The following TG variants were observed in gnomAD, a reference collection of about 807,000 sequenced individuals.
The protein encoded by TG is thyroglobulin.
In TG, 270 loss-of-function variants were observed where a neutral mutation model predicts 324.7. The ratio of observed to expected loss-of-function variants is 0.83; its 90% CI spans 0.75 to 0.92. TG has a LOEUF of 0.92. Among genes scored for constraint, TG ranks in the 40% least tolerant of loss-of-function variants. The probability of loss-of-function intolerance (pLI) is 0.00; values close to 1 mark genes in which losing one functional copy is unlikely to be tolerated. For missense variants in TG, 3,591 were observed against 3,456.4 expected (o/e 1.04, Z -0.98); for synonymous variants, 1,401 against 1,327.0 (o/e 1.06, Z -1.21).
At chr8:132,960,984 A>G in intron 27 of TG, 24 bp from the exon 28 acceptor site, 1 of 1,613,016 alleles carries the variant, frequency 6.2e-7, no homozygotes, top group Non-Finnish European at 8.5e-7. Flanking sequence ...TCAAGCTCAT[A>G]AAAATAAACA....
chr8:132,955,769 G>C (rs1250982501), intron 27 of TG, among the ~76,000 whole-genome samples: 1 of 152,188 alleles, frequency 6.6e-6, no homozygotes, highest in African/African-American at 2.4e-5. Flanking sequence ...TTTCCGTTTA[G>C]GATCCTGTCC....
Position 132,872,951 on chromosome 8 carries a change from A to G in TG, c.479-111A>G. 8 of 1,201,294 alleles carry G rather than the reference A, an allele frequency of 6.7e-6. No homozygotes were observed. In the South Asian group the frequency reaches 1.0e-4, roughly 15 times the overall value. 74.4% of individuals were successfully genotyped at this position (1,201,294 alleles called of 1,614,324 possible). A position where few individuals can be genotyped will look rare whatever the true frequency, so the allele number is the denominator to read the frequency against. On this transcript the variant is annotated intron_variant, in intron 4 of 47. Coordinates refer to ENST00000220616, the MANE Select transcript of TG (RefSeq NM_003235.5). ...CGACAATGAAACCGCCGAACGATGC[A>G]TTTCTCAGAGCTCATCCCCATTGCT...
intron 27 of TG, 89 bp from the exon 28 acceptor site, chr8:132,960,919 G>C: frequency 7.7e-7 from 1 of 1,292,304 alleles, no homozygotes; most frequent in Non-Finnish European, 1.1e-6. Context: ...GGAAGAGCCT[G>C]TGTCAAGGGA....
rs1335962371 is a variant in TG at position 132,883,194 on chromosome 8, G to T, written c.1075+195G>T. On this transcript the variant is annotated intron_variant, in intron 8 of 47. Transcript: ENST00000220616. ...TGTTTCTCATCTTGTGTCAGACCTCGTTGCATTTTCAGGGAGCTCAGGGAA... is the reference window on the plus strand; with the variant it reads ...TGTTTCTCATCTTGTGTCAGACCTCTTTGCATTTTCAGGGAGCTCAGGGAA... 5 of 628,790 alleles carry T rather than the reference G, an allele frequency of 8.0e-6. No individual in the cohort carries two copies. In the Admixed American group the frequency reaches 1.5e-4, roughly 19 times the overall value. 39.0% of individuals were successfully genotyped at this position (628,790 alleles called of 1,614,324 possible). A position where few individuals can be genotyped will look rare whatever the true frequency, so the allele number is the denominator to read the frequency against.
At chr8:133,033,086 C>G (rs1213786144) in intron 41 of TG, among the ~76,000 whole-genome samples, 2 of 152,164 alleles carry the variant, frequency 1.3e-5, no homozygotes, top group African/African-American at 4.8e-5. Flanking sequence ...AGATAAAGAG[C>G]TGAAGCCTAA....
chr8:132,962,480 A>G (rs1195643515), intron 28 of TG, among the ~76,000 whole-genome samples: 1 of 152,170 alleles, frequency 6.6e-6, no homozygotes, highest in Non-Finnish European at 1.5e-5. Context: ...TCTCCAGGAC[A>G]TTTGCCGCAC....
chr8:132,944,535 C>A (rs1299556978), intron 26 of TG, among the ~76,000 whole-genome samples: 1 of 152,202 alleles, frequency 6.6e-6, no homozygotes, highest in East Asian at 1.9e-4. Context: ...ACTGTAGGTG[C>A]AGAGGAATGC....
intron 41 of TG, among the ~76,000 whole-genome samples, chr8:133,052,102 A>G (rs568117397): frequency 3.9e-5 from 6 of 152,228 alleles, no homozygotes; most frequent in African/African-American, 1.2e-4. Context: ...CAAACAAGCC[A>G]CTTTCTAGGA....
intron 38 of TG, 86 bp downstream of exon 38, chr8:133,018,083 G>C: frequency 7.5e-7 from 1 of 1,341,504 alleles, no homozygotes. Context: ...CAGTAGCAGA[G>C]CAGTGCATTT....
intron 41 of TG, among the ~76,000 whole-genome samples, chr8:133,036,462 G>A (rs1337192406): frequency 4.6e-5 from 7 of 152,170 alleles, no homozygotes; most frequent in African/African-American, 1.2e-4. Context: ...TAGGCAGGAC[G>A]TTTTTATAAC....
At chr8:132,900,174 C>A in intron 14 of TG, 63 bp from the exon 15 acceptor site, 5 of 1,412,562 alleles carry the variant, frequency 3.5e-6, no homozygotes, top group Admixed American at 3.6e-5. Context: ...CATCTGCCAG[C>A]AGCAGGTTGG....
At position 132,908,307 on chromosome 8, in the gene TG, T is replaced by G. The variant is rs116300941; in HGVS notation, c.3969T>G (p.Asp1323Glu). ...AGACTTTCCAGGTTTTCATATTGGATGAGCTGACAGCCCGCGGCTTCTGCC... is the reference window on the plus strand; with the variant it reads ...AGACTTTCCAGGTTTTCATATTGGAGGAGCTGACAGCCCGCGGCTTCTGCC... ...LLQTFQVFIL[D>E]ELTARGFCQI... The change falls in exon 18 of 48, where the codon GAT becomes GAG. Residue 1323 changes from aspartate to glutamate, a missense_variant. Transcript: ENST00000220616. 1.5e-5 allele frequency: 24 copies of G among 1,613,412 alleles called. No individual in the cohort carries two copies. The African/African-American group carries it at 2.8e-4, about 19-fold the overall frequency.
chr8:133,123,336 G>A (rs1032613017), intron 45 of TG, among the ~76,000 whole-genome samples: 25 of 151,952 alleles, frequency 1.6e-4, no homozygotes, highest in Admixed American at 2.6e-4. Flanking sequence ...TGGTTTCAGT[G>A]CTTCTTTGTG....
chr8:133,124,094 A>C (rs1398485724), intron 45 of TG, among the ~76,000 whole-genome samples: 1 of 152,252 alleles, frequency 6.6e-6, no homozygotes, highest in African/African-American at 2.4e-5. Context: ...CAGACATTGC[A>C]TGAGGAGCTG....
chr8:132,892,928 CTG>C (rs886421142), intron 10 of TG, among the ~76,000 whole-genome samples: 1 of 113,280 alleles, frequency 8.8e-6, no homozygotes, highest in African/African-American at 3.5e-5. Context: ...TGTGTGTGTA[CTG>C]TGTGTGATGT....
intron 41 of TG, among the ~76,000 whole-genome samples, chr8:133,042,696 T>C (rs1360344774): frequency 1.6e-5 from 2 of 127,422 alleles, no homozygotes; most frequent in Non-Finnish European, 3.2e-5. Flanking sequence ...TTTTTTTTTT[T>C]TTTTTTTTTT....
chr8:132,884,548 CA>C (rs1232714914), intron 8 of TG, among the ~76,000 whole-genome samples: 3 of 152,186 alleles, frequency 2.0e-5, no homozygotes, highest in Non-Finnish European at 2.9e-5. Context: ...GAATATTCTT[CA>C]TGGTATGTGG....
intron 36 of TG, 119 bp from the exon 37 acceptor site, chr8:133,013,481 A>G: frequency 1.8e-5 from 22 of 1,239,016 alleles, no homozygotes; most frequent in Non-Finnish European, 2.6e-5. Context: ...ATGATTGGAT[A>G]GAAGGATGGA....
chr8:132,907,699 G>A (rs948206397), intron 17 of TG, among the ~76,000 whole-genome samples: 5 of 152,188 alleles, frequency 3.3e-5, no homozygotes, highest in African/African-American at 1.2e-4. Flanking sequence ...TCAAGACCAG[G>A]ATGGTCACAA....
Sources: gnomAD v4.1 joint callset for allele counts (sites outside exome capture counted in the v4.1 genomes callset) on GRCh38, gnomAD v4.1.1 for gene constraint, MANE v1.5 for transcripts, NCBI Gene and HGNC (gene_info 2026-07-23, HGNC 2026-07-21) for gene names.